The following LRRC7 variants were observed in gnomAD, a reference collection of about 807,000 sequenced individuals.
The protein encoded by LRRC7 is leucine rich repeat containing 7.
LRRC7 carries 23 observed loss-of-function variants against 175.7 expected under a neutral mutation model. The ratio of observed to expected loss-of-function variants is 0.13; its 90% CI spans 0.09 to 0.19. The LOEUF is 0.19. LRRC7 is among the 10% of genes least tolerant of loss of function. The pLI is 1.00. For missense variants in LRRC7, 1,354 were observed against 1,904.7 expected, an observed-to-expected ratio of 0.71 and a Z score of 5.38; for synonymous variants, 685 against 680.9, an observed-to-expected ratio of 1.01 and a Z score of -0.09.
chr1:69,958,917 G>A (rs543383366), intron 8 of LRRC7, among the ~76,000 whole-genome samples: 1 of 152,144 alleles, frequency 6.6e-6, no homozygotes, highest in Non-Finnish European at 1.5e-5. Flanking sequence ...TGCATGTGAG[G>A]AGGCTGAAGC....
intron 7 of LRRC7, among the ~76,000 whole-genome samples, chr1:69,909,185 C>T (rs1428069206): frequency 3.9e-5 from 6 of 152,020 alleles, no homozygotes; most frequent in African/African-American, 1.2e-4. Flanking sequence ...GATGGGTTTC[C>T]TGAATACAGC....
chr1:70,014,580 C>T (rs1656810436), intron 13 of LRRC7, among the ~76,000 whole-genome samples: 2 of 151,892 alleles, frequency 1.3e-5, no homozygotes, highest in Admixed American at 1.3e-4. Context: ...GTAAATCAAG[C>T]AGAGGTAAAA....
intron 2 of LRRC7, among the ~76,000 whole-genome samples, chr1:69,743,337 G>C (rs1668913471): frequency 6.6e-6 from 1 of 151,962 alleles, no homozygotes; most frequent in African/African-American, 2.4e-5. Flanking sequence ...AGTGACATTT[G>C]AACTGTCTTA....
At chr1:70,070,398 T>C (rs2102112686) in intron 23 of LRRC7, among the ~76,000 whole-genome samples, 1 of 152,344 alleles carries the variant, frequency 6.6e-6, no homozygotes, top group East Asian at 1.9e-4. Flanking sequence ...AGTGCTGCCT[T>C]AAAAGTATGA....
chr1:69,569,773 G>T (rs1570215306), intron 1 of LRRC7, among the ~76,000 whole-genome samples: 1 of 152,032 alleles, frequency 6.6e-6, no homozygotes, highest in East Asian at 1.9e-4. Flanking sequence ...TAAAGCGAGC[G>T]GGTTGGGCGA....
At chr1:69,610,386 C>A (rs1773329) in intron 1 of LRRC7, among the ~76,000 whole-genome samples, 20,854 of 151,816 alleles carry the variant, frequency 0.14, 1,678 homozygotes, top group South Asian at 0.18. Context: ...AATTGCATGA[C>A]CATTTTCAGT....
chr1:69,867,599 A>G (rs889268679), intron 7 of LRRC7, among the ~76,000 whole-genome samples: 7 of 152,182 alleles, frequency 4.6e-5, no homozygotes, highest in African/African-American at 1.7e-4. Context: ...GACCATTTCA[A>G]TAGCCTGGAA....
chr1:69,902,663 G>C (rs1008534306), intron 7 of LRRC7, among the ~76,000 whole-genome samples: 1 of 152,284 alleles, frequency 6.6e-6, no homozygotes, highest in East Asian at 1.9e-4. Context: ...TAATCAACTT[G>C]TTTTGTCCAC....
At chr1:69,944,856 G>T (rs879256459) in intron 8 of LRRC7, among the ~76,000 whole-genome samples, 5 of 151,444 alleles carry the variant, frequency 3.3e-5, no homozygotes, top group Non-Finnish European at 1.5e-5. Flanking sequence ...TTTTAACCAG[G>T]TTGTTTTACT....
In LRRC7 at chr1:70,135,353, G is replaced by A. The variant is rs986926112; in HGVS notation, c.*13466G>A. Among the ~76,000 whole-genome samples the A allele has an allele frequency of 6.6e-6, 1 of 152,064 alleles. No individual in the cohort carries two copies. The highest frequency in any genetic ancestry group is 6.6e-5 in the Admixed American group (1 of 15,258). On this transcript the variant is annotated 3_prime_UTR_variant, in exon 27 of 27. Transcript: ENST00000651989. The stretch of plus-strand genomic sequence containing the variant: ...TTTTTACCCATCTCCGTGCCATACT[G>A]TAGAACAAACATCATTTTTTTAGTT...
intron 2 of LRRC7, among the ~76,000 whole-genome samples, chr1:69,682,723 A>C (rs1660652546): frequency 6.6e-6 from 1 of 152,090 alleles, no homozygotes; most frequent in Admixed American, 6.6e-5. Flanking sequence ...GTGAGAAATA[A>C]ATTTTTGTTG....
At chr1:69,935,083 G>A (rs1647860381) in intron 8 of LRRC7, among the ~76,000 whole-genome samples, 1 of 152,148 alleles carries the variant, frequency 6.6e-6, no homozygotes, top group South Asian at 2.1e-4. Context: ...TAGAGTTCGG[G>A]AATTCAAAGA....
chr1:69,865,625 C>T (rs1416400182), intron 7 of LRRC7, among the ~76,000 whole-genome samples: 1 of 151,392 alleles, frequency 6.6e-6, no homozygotes, highest in Non-Finnish European at 1.5e-5. Context: ...GGACTACAGG[C>T]GCCCGCCACC....
intron 24 of LRRC7, among the ~76,000 whole-genome samples, chr1:70,089,114 A>G (rs1170762175): frequency 6.6e-6 from 1 of 151,600 alleles, no homozygotes; most frequent in Admixed American, 6.6e-5. Context: ...CCTAACTCCT[A>G]CTCCAGGAGC....
intron 7 of LRRC7, among the ~76,000 whole-genome samples, chr1:69,914,563 A>G (rs1311677305): frequency 2.6e-5 from 4 of 152,222 alleles, no homozygotes; most frequent in Admixed American, 2.0e-4. Context: ...ATACATATAA[A>G]TAGTTAAGGA....
chr1:69,587,115 CAG>C (rs1278263562), intron 1 of LRRC7, among the ~76,000 whole-genome samples: 1 of 152,116 alleles, frequency 6.6e-6, no homozygotes, highest in East Asian at 1.9e-4. Flanking sequence ...TATAATATAA[CAG>C]AGTGTTTTTC....
intron 8 of LRRC7, among the ~76,000 whole-genome samples, chr1:69,933,856 A>G (rs1308082646): frequency 1.3e-5 from 2 of 152,234 alleles, no homozygotes; most frequent in Non-Finnish European, 2.9e-5. Context: ...AAGAAATCCT[A>G]CGAGCAGAAA....
At chr1:69,612,598 G>T (rs1220486642) in intron 1 of LRRC7, among the ~76,000 whole-genome samples, 2 of 151,958 alleles carry the variant, frequency 1.3e-5, no homozygotes, top group South Asian at 4.1e-4. Flanking sequence ...TGACTTAAGG[G>T]AATACCCATA....
intron 15 of LRRC7, among the ~76,000 whole-genome samples, chr1:70,019,493 T>G (rs1657259817): frequency 6.6e-6 from 1 of 152,040 alleles, no homozygotes; most frequent in Admixed American, 6.5e-5. Flanking sequence ...TTTCTATAGT[T>G]ATGGAGTAAC....
Sources: gnomAD v4.1 joint callset for allele counts (sites outside exome capture counted in the v4.1 genomes callset) on GRCh38, gnomAD v4.1.1 for gene constraint, MANE v1.5 for transcripts, NCBI Gene and HGNC (gene_info 2026-07-23, HGNC 2026-07-21) for gene names.